The following MAGI2 variants were observed in gnomAD, a reference collection of about 807,000 sequenced individuals.
The protein encoded by MAGI2 is membrane associated guanylate kinase, WW and PDZ domain containing 2, also known as membrane-associated guanylate kinase, WW and PDZ domain-containing protein 2.
MAGI2 carries 35 observed loss-of-function variants against 133.3 expected under a neutral mutation model. The observed-to-expected ratio is 0.26, with a 90% CI of 0.20 to 0.35. The LOEUF (loss-of-function observed/expected upper bound fraction) is 0.35. Among genes scored for constraint, MAGI2 ranks in the 10% least tolerant of loss-of-function variants. The probability of loss-of-function intolerance (pLI) is 1.00; values close to 1 mark genes in which losing one functional copy is unlikely to be tolerated. For missense variants in MAGI2, 1,636 were observed against 1,863.4 expected, an observed-to-expected ratio of 0.88 and a Z score of 2.25; for synonymous variants, 729 against 710.6, an observed-to-expected ratio of 1.03 and a Z score of -0.41.
intron 1 of MAGI2, among the ~76,000 whole-genome samples, chr7:79,058,425 G>C (rs987136238): frequency 2.0e-5 from 3 of 151,892 alleles, no homozygotes; most frequent in Admixed American, 6.6e-5. Context: ...AACATTTTAT[G>C]GAAGAACATA....
At chr7:78,701,397 G>A (rs1374566285) in intron 2 of MAGI2, among the ~76,000 whole-genome samples, 4 of 151,866 alleles carry the variant, frequency 2.6e-5, no homozygotes, top group African/African-American at 9.7e-5. Context: ...GAAAGGAAAT[G>A]CAGATCATAT....
chr7:78,632,069 C>T (rs1016565406), intron 2 of MAGI2, among the ~76,000 whole-genome samples: 4 of 152,056 alleles, frequency 2.6e-5, no homozygotes, highest in Non-Finnish European at 4.4e-5. Context: ...ACTATTGCCT[C>T]GAAGAGCAGA....
chr7:79,427,681 A>T (rs940354759), intron 1 of MAGI2, among the ~76,000 whole-genome samples: 5 of 152,202 alleles, frequency 3.3e-5, no homozygotes, highest in Admixed American at 3.3e-4. Context: ...TACACGTAGA[A>T]AGTTGTGCTG....
intron 7 of MAGI2, among the ~76,000 whole-genome samples, chr7:78,361,890 C>T (rs908579488): frequency 3.9e-5 from 6 of 152,312 alleles, no homozygotes; most frequent in Admixed American, 2.6e-4. Context: ...GCAGGAAAAA[C>T]GACCTCTAAC....
At position 78,163,177 on chromosome 7, in the gene MAGI2, G is replaced by A. The variant is rs568845037; in HGVS notation, c.2597-2904C>T. Among the ~76,000 whole-genome samples the A allele has an allele frequency of 1.9e-3, 289 of 151,996 alleles. 1 individual carries two copies. Among genetic ancestry groups the A allele is most frequent in the African/African-American group, 6.6e-3 (272 of 41,456 alleles). ...TTTTGAGACAGAGTCTCACTCTGTC[G>A]CCCAGGCTGGAGTGCAGTGGCGCGG... On this transcript the variant is annotated intron_variant, in intron 15 of 21. Coordinates refer to ENST00000354212, the MANE Select transcript of MAGI2 (RefSeq NM_012301.4).
At chr7:79,132,613 G>A (rs1393996952) in intron 1 of MAGI2, among the ~76,000 whole-genome samples, 1 of 152,098 alleles carries the variant, frequency 6.6e-6, no homozygotes, top group Non-Finnish European at 1.5e-5. Flanking sequence ...ATGGGTGTAA[G>A]TGTCTTTTTT....
intron 2 of MAGI2, among the ~76,000 whole-genome samples, chr7:78,630,770 T>A (rs925962739): frequency 6.6e-6 from 1 of 152,216 alleles, no homozygotes; most frequent in African/African-American, 2.4e-5. Flanking sequence ...CATTTTCCAT[T>A]CATTAATCAT....
chr7:79,278,035 T>A (rs1452350062), intron 1 of MAGI2, among the ~76,000 whole-genome samples: 1 of 152,086 alleles, frequency 6.6e-6, no homozygotes, highest in Non-Finnish European at 1.5e-5. Context: ...CCCCTCCAAA[T>A]CTCATGCTGA....
At chr7:78,436,663 G>A (rs569797592) in intron 6 of MAGI2, among the ~76,000 whole-genome samples, 2 of 152,214 alleles carry the variant, frequency 1.3e-5, no homozygotes, top group Admixed American at 1.3e-4. Flanking sequence ...ATCCCATCTG[G>A]CAGCACAGGT....
At chr7:78,801,356 G>T (rs1788040730) in intron 2 of MAGI2, among the ~76,000 whole-genome samples, 2 of 152,150 alleles carry the variant, frequency 1.3e-5, no homozygotes, top group Admixed American at 6.5e-5. Context: ...CAAGATGAAT[G>T]ATCTGGGAGA....
intron 1 of MAGI2, among the ~76,000 whole-genome samples, chr7:79,328,081 T>C (rs1839826013): frequency 6.6e-6 from 1 of 152,198 alleles, no homozygotes; most frequent in African/African-American, 2.4e-5. Flanking sequence ...ATCAAAAATA[T>C]CAATGTGTAA....
intron 10 of MAGI2, among the ~76,000 whole-genome samples, chr7:78,213,271 A>C (rs972258133): frequency 6.6e-6 from 1 of 152,198 alleles, no homozygotes; most frequent in South Asian, 2.1e-4. Context: ...TCTCAGACCT[A>C]AGATTTATAC....
chr7:78,513,091 T>C (rs1275163014), intron 4 of MAGI2, among the ~76,000 whole-genome samples: 1 of 152,022 alleles, frequency 6.6e-6, no homozygotes, highest in Non-Finnish European at 1.5e-5. Context: ...ATAAAGAACA[T>C]GCACATACAA....
chr7:78,995,007 T>C (rs960018173), intron 2 of MAGI2, among the ~76,000 whole-genome samples: 8 of 152,088 alleles, frequency 5.3e-5, no homozygotes, highest in East Asian at 1.9e-4. Context: ...GTAGAAAGTC[T>C]AGTAGAGCTG....
intron 1 of MAGI2, among the ~76,000 whole-genome samples, chr7:79,421,375 A>G (rs1290663402): frequency 6.6e-6 from 1 of 151,902 alleles, no homozygotes; most frequent in Admixed American, 6.6e-5. Flanking sequence ...TCATTTTACT[A>G]TTTATTATTA....
chr7:78,404,099 C>A (rs568336542), intron 6 of MAGI2, among the ~76,000 whole-genome samples: 55 of 152,028 alleles, frequency 3.6e-4, no homozygotes, highest in African/African-American at 1.3e-3. Flanking sequence ...CTAGGAATCC[C>A]ACTTACAAGG....
chr7:78,040,192 G>A (rs1233398265), intron 21 of MAGI2, among the ~76,000 whole-genome samples: 1 of 152,236 alleles, frequency 6.6e-6, no homozygotes, highest in Non-Finnish European at 1.5e-5. Flanking sequence ...CCCCTCTGGG[G>A]CTTGTGGGTG....
At chr7:79,291,178 C>A (rs1836452259) in intron 1 of MAGI2, among the ~76,000 whole-genome samples, 1 of 151,928 alleles carries the variant, frequency 6.6e-6, no homozygotes, top group African/African-American at 2.4e-5. Context: ...AATATGTGGT[C>A]TTTTGTGTCT....
chr7:78,430,892 G>A (rs945471141), intron 6 of MAGI2, among the ~76,000 whole-genome samples: 4 of 152,122 alleles, frequency 2.6e-5, no homozygotes, highest in African/African-American at 9.7e-5. Flanking sequence ...TCCAACAGGA[G>A]GGGTTACTAG....
Sources: allele counts gnomAD v4.1 joint callset (sites outside exome capture counted in the v4.1 genomes callset), GRCh38; gene constraint gnomAD v4.1.1; transcripts MANE v1.5; gene names NCBI Gene and HGNC (gene_info 2026-07-23, HGNC 2026-07-21).